PPM1K: variants seen among roughly 807,000 people sequenced by gnomAD.
PPM1K encodes the protein protein phosphatase, Mg2+/Mn2+ dependent 1K, also known as protein phosphatase Mn(2+)-dependent 1K.
In PPM1K, 19 loss-of-function variants were observed where a neutral mutation model predicts 32.6. The ratio of observed to expected loss-of-function variants is 0.58; its 90% CI spans 0.41 to 0.86. PPM1K has a LOEUF of 0.86. PPM1K is among the 40% of genes least tolerant of loss of function. The pLI is 0.00. For missense variants in PPM1K, 362 were observed against 461.2 expected (o/e 0.78, Z 1.97); for synonymous variants, 159 against 165.3 (o/e 0.96, Z 0.29).
At chr4:88,270,418 A>T (rs1185107973) in intron 3 of PPM1K, among the ~76,000 whole-genome samples, 1 of 152,222 alleles carries the variant, frequency 6.6e-6, no homozygotes, top group African/African-American at 2.4e-5. Context: ...GTTGAAAGAT[A>T]CATTTGTCCA....
intron 6 of PPM1K, among the ~76,000 whole-genome samples, chr4:88,263,685 A>G (rs1417775951): frequency 1.3e-5 from 2 of 152,126 alleles, no homozygotes; most frequent in East Asian, 1.9e-4. Flanking sequence ...GGCTCAGGCA[A>G]TCTTCCCATC....
At chr4:88,265,581 T>C (rs1731272325) in intron 5 of PPM1K, among the ~76,000 whole-genome samples, 1 of 152,174 alleles carries the variant, frequency 6.6e-6, no homozygotes. Flanking sequence ...CTCAAGTATA[T>C]CTTTATTAGC....
chr4:88,262,478 G>T lies in PPM1K; in HGVS notation c.*117C>A. 9.3e-7 allele frequency: 1 copy of T among 1,077,198 alleles called. No individual in the cohort carries two copies. The highest frequency in any genetic ancestry group is 1.3e-6 in the Non-Finnish European group (1 of 752,532). The allele number at this position is 1,077,198 out of a possible 1,614,324, so 66.7% of individuals were successfully genotyped here. On this transcript the variant is annotated 3_prime_UTR_variant, in exon 7 of 7. Transcript: ENST00000608933. ...TTTATGAAAAAACTACTATCTAAGT[G>T]GTTTACACTGACTTGTGCGCTGATC...
At position 88,275,326 on chromosome 4, in the gene PPM1K, GATTA is replaced by G. The variant is rs1731721434; in HGVS notation, c.541+1813_541+1816del. On this transcript the variant is annotated intron_variant, in intron 3 of 6. Transcript: ENST00000608933. ...GTTAGCATATGAATTACATTTTTGT[GATTA>G]ATTTCTTTATACAACTGTTTAATGT... 5.2e-6 allele frequency: 5 copies of G among 959,708 alleles called. No homozygotes were observed. In the South Asian group the frequency reaches 2.4e-4, roughly 46 times the overall value. 59.4% of individuals were successfully genotyped at this position (959,708 alleles called of 1,614,324 possible).
chr4:88,276,535 A>C, intron 3 of PPM1K: 1 of 985,472 alleles, frequency 1.0e-6, no homozygotes, highest in Non-Finnish European at 1.2e-6. Context: ...ACAAAATTTT[A>C]AATTCAGCTA....
chr4:88,268,683 T>A, intron 4 of PPM1K, 58 bp downstream of exon 4: 1 of 1,520,824 alleles, frequency 6.6e-7, no homozygotes, highest in Non-Finnish European at 9.0e-7. Context: ...TTAAAAACTA[T>A]TATGAACTAA....
intron 2 of PPM1K, chr4:88,277,669 T>TA (rs1731837879): frequency 5.2e-6 from 1 of 194,168 alleles, no homozygotes. Context: ...GCATTAATAC[T>TA]AGTTGAAGTA....
At position 88,278,615 on chromosome 4, in the gene PPM1K, A is replaced by G; in HGVS notation, c.-32T>C. The G allele has an allele frequency of 6.5e-7, 1 of 1,539,344 alleles. No individual in the cohort carries two copies. The highest frequency in any genetic ancestry group is 1.9e-5 in the Admixed American group (1 of 52,528). On this transcript the variant is annotated 5_prime_UTR_variant, in exon 2 of 7. Coordinates refer to ENST00000608933, the MANE Select transcript of PPM1K (RefSeq NM_152542.5). The surrounding 1 kb of genome is among the most constrained non-coding windows in gnomAD (Gnocchi z 4.2). ...GCTCCAAAGGACTCAGTGATGAGGG[A>G]AAGGTCAATGGAACAATAATGGAAT...
intron 4 of PPM1K, 71 bp from the exon 5 acceptor site, chr4:88,268,405 G>A (rs142621223): frequency 1.7e-4 from 262 of 1,537,032 alleles, no homozygotes; most frequent in East Asian, 7.0e-4. Flanking sequence ...GGCAGATCAC[G>A]AGGTCAGGAG....
chr4:88,266,371 G>A (rs1302207099), intron 5 of PPM1K, among the ~76,000 whole-genome samples: 1 of 152,274 alleles, frequency 6.6e-6, no homozygotes, highest in African/African-American at 2.4e-5. Flanking sequence ...CAGCTTCCAA[G>A]TGGAGGTGAT....
chr4:88,281,910 T>C (rs1732024881), intron 1 of PPM1K, among the ~76,000 whole-genome samples: 3 of 151,952 alleles, frequency 2.0e-5, no homozygotes, highest in Admixed American at 6.6e-5. Context: ...GGAATGACTA[T>C]GCTTTGACCA....
chr4:88,259,871 C>A lies in PPM1K; in HGVS notation c.*2724G>T, dbSNP rs1361728321. The A allele has an allele frequency of 6.6e-6, 1 of 152,232 alleles. No homozygotes were observed. The allele number at this position is 152,232 out of a possible 1,614,324, so 9.4% of individuals were successfully genotyped here. A position where few individuals can be genotyped will look rare whatever the true frequency, so the allele number is the denominator to read the frequency against. On this transcript the variant is annotated 3_prime_UTR_variant, in exon 7 of 7. Transcript: ENST00000608933. ...TTGCACCACTGCACTTCAGCCTGGA[C>A]AACAAAGTGAGACTCTGTAACTATA... is the stretch of plus-strand genomic sequence containing the variant.
rs892917434 is a variant in PPM1K at position 88,261,133 on chromosome 4, G to A, written c.*1462C>T. 6.6e-6 allele frequency: 1 copy of A among 152,056 alleles called. No individual in the cohort carries two copies. The allele number at this position is 152,056 out of a possible 1,614,324, so 9.4% of individuals were successfully genotyped here. A position where few individuals can be genotyped will look rare whatever the true frequency, so the allele number is the denominator to read the frequency against. ...ACATAGTTTGCAGAAATAAACTACG[G>A]AAATAATTCCAAATACACATTTAGA... is the stretch of plus-strand genomic sequence containing the variant. On this transcript the variant is annotated 3_prime_UTR_variant, in exon 7 of 7. Transcript: ENST00000608933.
intron 3 of PPM1K, chr4:88,275,848 T>C: frequency 1.0e-6 from 1 of 985,474 alleles, no homozygotes; most frequent in Non-Finnish European, 1.2e-6. Context: ...CTAAGTCTTA[T>C]GCATAAAGTT....
At position 88,272,838 on chromosome 4, in the gene PPM1K, ATTATT is replaced by A. The variant is rs66538239; in HGVS notation, c.542-3937_542-3933del. ...AAAATATCCCCAGCTACAACAGTAA[ATTATT>A]TTATTTTATTTTCTACTCAAACAAT... On this transcript the variant is annotated intron_variant, in intron 3 of 6. Coordinates refer to ENST00000608933, the MANE Select transcript of PPM1K (RefSeq NM_152542.5). Among the ~76,000 whole-genome samples, 1,134 of 152,288 alleles carry A rather than the reference ATTATT, an allele frequency of 7.4e-3. 4 individuals carry two copies. Among genetic ancestry groups the A allele is most frequent in the Non-Finnish European group, 9.9e-3 (673 of 68,018 alleles).
intron 3 of PPM1K, among the ~76,000 whole-genome samples, chr4:88,269,612 G>A (rs1003832431): frequency 1.3e-5 from 2 of 152,152 alleles, no homozygotes; most frequent in African/African-American, 4.8e-5. Flanking sequence ...AGGGGAGGTG[G>A]AGAATGAAGT....
At chr4:88,276,860 T>C in intron 3 of PPM1K, 1 of 1,013,608 alleles carries the variant, frequency 9.9e-7, no homozygotes, top group Non-Finnish European at 1.2e-6. Context: ...TTAAACATTT[T>C]TAAAATCTTT....
intron 1 of PPM1K, among the ~76,000 whole-genome samples, chr4:88,280,332 T>A (rs1374743471): frequency 6.6e-6 from 1 of 152,222 alleles, no homozygotes; most frequent in Non-Finnish European, 1.5e-5. Context: ...AAGTAATGTA[T>A]CATCAAAGAC....
At chr4:88,268,586 A>G (rs569661587) in intron 4 of PPM1K, among the ~76,000 whole-genome samples, 155 bp downstream of exon 4, 46 of 152,130 alleles carry the variant, frequency 3.0e-4, no homozygotes, top group African/African-American at 1.0e-3. Flanking sequence ...GCGCCACTGC[A>G]CTCCAGCCTG....
Sources: gnomAD v4.1 joint callset for allele counts (sites outside exome capture counted in the v4.1 genomes callset) on GRCh38, gnomAD v4.1.1 for gene constraint, Gnocchi (gnomAD v3.1) non-coding constraint, MANE v1.5 for transcripts, NCBI Gene and HGNC (gene_info 2026-07-23, HGNC 2026-07-21) for gene names.